Variants in ZNF91 observed in about 807,000 individuals in gnomAD.
The protein encoded by ZNF91 is zinc finger protein 91 (HPF7, HTF10).
A neutral mutation model predicts 12.6 loss-of-function variants in ZNF91; 7 were observed. The observed-to-expected ratio is 0.55, with a 90% CI of 0.31 to 1.04. ZNF91 has a LOEUF of 1.04. Ranked by LOEUF, ZNF91 falls within the 50% of genes least tolerant of loss-of-function variation. The pLI, the probability that ZNF91 is intolerant of heterozygous loss-of-function variation, is 0.05. For missense variants in ZNF91, 1,217 were observed against 1,385.4 expected, an observed-to-expected ratio of 0.88 and a Z score of 1.93; for synonymous variants, 453 against 462.6, an observed-to-expected ratio of 0.98 and a Z score of 0.27.
chr19:23,312,354 T>C (rs950410067), upstream of ZNF91, among the ~76,000 whole-genome samples: 2 of 152,182 alleles, frequency 1.3e-5, no homozygotes, highest in African/African-American at 4.8e-5. Context: ...AAAGATACTA[T>C]CTCTCTTAGC....
chr19:23,375,970 C>G (rs1471820286), intron 1 of ZNF91, among the ~76,000 whole-genome samples: 1 of 152,164 alleles, frequency 6.6e-6, no homozygotes, highest in Admixed American at 6.5e-5. Flanking sequence ...ATGGAAAGTT[C>G]AAGGTACAGG....
Position 23,374,795 on chromosome 19 carries a change from C to G in ZNF91, c.31-31G>C, listed in dbSNP as rs770182850. ...AAACACACACAAACACACATATTTA[C>G]AAAGTGGCTATGGGCAGAATTTTTC... On this transcript the variant is annotated intron_variant, in intron 1 of 3. Transcript: ENST00000300619. 1.9e-6 allele frequency: 3 copies of G among 1,601,144 alleles called. No homozygotes were observed. The Admixed American group carries it at 5.1e-5, about 27-fold the overall frequency.
chr19:23,333,770 G>T (rs1967961541), downstream of ZNF91, among the ~76,000 whole-genome samples: 1 of 152,164 alleles, frequency 6.6e-6, no homozygotes, highest in Non-Finnish European at 1.5e-5. Context: ...TTTACTGCTA[G>T]TATTATTATT....
At chr19:23,352,295 G>A (rs550182137) in intron 3 of ZNF91, among the ~76,000 whole-genome samples, 1 of 152,082 alleles carries the variant, frequency 6.6e-6, no homozygotes, top group East Asian at 1.9e-4. Context: ...CATCCTGTAT[G>A]ACTCAGCAGA....
intron 3 of ZNF91, among the ~76,000 whole-genome samples, chr19:23,306,239 G>C (rs1384689080): frequency 6.6e-6 from 1 of 152,196 alleles, no homozygotes; most frequent in African/African-American, 2.4e-5. Context: ...CACAGGTGTT[G>C]ACTCTCATAC....
chr19:23,381,504 C>G lies in ZNF91; in HGVS notation c.31-6740G>C, dbSNP rs1599752108. Among the ~76,000 whole-genome samples the G allele has an allele frequency of 2.7e-5, 4 of 150,346 alleles. No homozygotes were observed. In the East Asian group the frequency reaches 7.8e-4, roughly 29 times the overall value. ...GAGACTGAGTTTTGCTCTCATTGCC[C>G]AGGCTGGAGTGCAACGGCATGATCT... On this transcript the variant is annotated intron_variant, in intron 1 of 3. Transcript: ENST00000300619.
chr19:23,375,433 A>G (rs1969472134), intron 1 of ZNF91, among the ~76,000 whole-genome samples: 1 of 152,130 alleles, frequency 6.6e-6, no homozygotes, highest in South Asian at 2.1e-4. Flanking sequence ...TGCTGGGATT[A>G]CAGGCATGAG....
At chr19:23,311,868 T>G (rs1967477357), upstream of ZNF91, among the ~76,000 whole-genome samples, 1 of 149,690 alleles carries the variant, frequency 6.7e-6, no homozygotes, top group African/African-American at 2.5e-5. Flanking sequence ...CATCACTAGG[T>G]ATTTCAAATT....
At chr19:23,306,259 G>A (rs1409005401) in intron 3 of ZNF91, among the ~76,000 whole-genome samples, 1 of 152,158 alleles carries the variant, frequency 6.6e-6, no homozygotes, top group Non-Finnish European at 1.5e-5. Context: ...CCTAGAACCC[G>A]GACCTGTGTG....
chr19:23,355,713 G>A (rs989798589), downstream of ZNF91, among the ~76,000 whole-genome samples: 1 of 151,978 alleles, frequency 6.6e-6, no homozygotes, highest in African/African-American at 2.4e-5. Context: ...ATCTGACAAT[G>A]GATTAGTATC....
chr19:23,377,251 C>T (rs1435298380), intron 1 of ZNF91, among the ~76,000 whole-genome samples: 1 of 152,146 alleles, frequency 6.6e-6, no homozygotes, highest in Admixed American at 6.5e-5. Context: ...GTATCTTAAA[C>T]TTCTCATACT....
At position 23,359,753 on chromosome 19, in the gene ZNF91, T is replaced by C; in HGVS notation, c.3226A>G (p.Lys1076Glu). ...NGHKRIHTRE[K>E]PYKCEECGKA... ...CCACATTCTTCACATTTGTAGGGTT[T>C]CTCTCTAGTATGAATTCTCTTATGT... The change falls in exon 4 of 4, where the codon AAA (lysine) becomes GAA (glutamate). Residue 1076 changes from lysine to glutamate, a missense_variant. Lys to Glu is a moderately conservative substitution (Grantham distance 56, BLOSUM62 1). Coordinates refer to ENST00000300619, the MANE Select transcript of ZNF91 (RefSeq NM_003430.4). The C allele has an allele frequency of 6.2e-7, 1 of 1,614,092 alleles. No individual in the cohort carries two copies. The highest frequency in any genetic ancestry group is 8.5e-7 in the Non-Finnish European group (1 of 1,180,004).
At chr19:23,319,198 T>G (rs912459329) in intron 1 of ZNF91, among the ~76,000 whole-genome samples, 7 of 152,216 alleles carry the variant, frequency 4.6e-5, no homozygotes, top group African/African-American at 1.7e-4. Context: ...GGAGGTATTG[T>G]GACGTATCGC....
intron 3 of ZNF91, among the ~76,000 whole-genome samples, chr19:23,351,607 A>T (rs966238494): frequency 1.3e-5 from 2 of 152,220 alleles, no homozygotes; most frequent in African/African-American, 4.8e-5. Flanking sequence ...AAATGTGAAC[A>T]GTTTTGACCT....
intron 1 of ZNF91, among the ~76,000 whole-genome samples, chr19:23,384,312 G>A (rs1214111443): frequency 6.6e-6 from 1 of 152,026 alleles, no homozygotes; most frequent in African/African-American, 2.4e-5. Flanking sequence ...GGGACCTGGG[G>A]AGCTGCAGCC....
At chr19:23,316,248 G>A (rs1967557676) in intron 1 of ZNF91, among the ~76,000 whole-genome samples, 1 of 151,412 alleles carries the variant, frequency 6.6e-6, no homozygotes, top group Admixed American at 6.6e-5. Flanking sequence ...AAAATGGAAG[G>A]CTCCGCCTGG....
downstream of ZNF91, among the ~76,000 whole-genome samples, chr19:23,336,327 T>C (rs29986): frequency 0.52 from 78,474 of 151,960 alleles, 21,757 homozygotes; most frequent in East Asian, 0.85. Flanking sequence ...AGTGGGACTT[T>C]TAGCTTGCAG....
chr19:23,394,933 A>C (rs1485398292), intron 1 of ZNF91, among the ~76,000 whole-genome samples: 1 of 152,138 alleles, frequency 6.6e-6, no homozygotes, highest in African/African-American at 2.4e-5. Flanking sequence ...ATAAATTTTT[A>C]ATAGAAAAAA....
downstream of ZNF91, among the ~76,000 whole-genome samples, chr19:23,355,871 T>C (rs996728726): frequency 6.6e-6 from 1 of 152,010 alleles, no homozygotes; most frequent in Admixed American, 6.6e-5. Flanking sequence ...AAAGAAGATA[T>C]ACAAATGGCC....
Sources: allele counts gnomAD v4.1 joint callset (sites outside exome capture counted in the v4.1 genomes callset), GRCh38; gene constraint gnomAD v4.1.1; transcripts MANE v1.5; gene names NCBI Gene and HGNC (gene_info 2026-07-23, HGNC 2026-07-21).